SNCAIP: variants seen among roughly 807,000 people sequenced by gnomAD.
SNCAIP encodes synphilin-1.
Under a neutral mutation model 86.7 loss-of-function variants are expected in SNCAIP, and 43 were observed. The observed-to-expected ratio is 0.50, with a 90% confidence interval of 0.39 to 0.64. The LOEUF (loss-of-function observed/expected upper bound fraction) is 0.64. Among genes scored for constraint, SNCAIP ranks in the 30% least tolerant of loss-of-function variants. SNCAIP has a pLI of 0.00. For missense variants in SNCAIP, 981 were observed against 1,103.1 expected (o/e 0.89, Z 1.57); for synonymous variants, 417 against 427.2 (o/e 0.98, Z 0.29).
At chr5:122,396,573 A>G (rs1173911850) in intron 2 of SNCAIP, among the ~76,000 whole-genome samples, 3 of 152,188 alleles carry the variant, frequency 2.0e-5, no homozygotes, top group Non-Finnish European at 4.4e-5. Flanking sequence ...TTTTATGCCA[A>G]TCTAGTCAAC....
chr5:122,314,151 C>G (rs1411128874), intron 1 of SNCAIP, among the ~76,000 whole-genome samples: 8 of 152,162 alleles, frequency 5.3e-5, no homozygotes, highest in Non-Finnish European at 2.9e-5. Flanking sequence ...TGCAGGTGTA[C>G]AGTGGAAATG....
At position 122,452,828 on chromosome 5, in the gene SNCAIP, TC is replaced by T. The variant is rs967520579; in HGVS notation, c.2754+1228del. 6 of 767,964 alleles carry T rather than the reference TC, an allele frequency of 7.8e-6. No individual in the cohort carries two copies. The Admixed American group carries it at 1.2e-4, about 15-fold the overall frequency. The allele number at this position is 767,964 out of a possible 1,614,324, so 47.6% of individuals were successfully genotyped here. The stretch of plus-strand genomic sequence containing the variant: ...TGCATACTAAGCCACTGTCCTCTAA[TC>T]TATCTATCTTCCTGCATGCTTCATG... On this transcript the variant is annotated intron_variant, in intron 10 of 10. Transcript: ENST00000261368.
intron 1 of SNCAIP, among the ~76,000 whole-genome samples, chr5:122,359,349 T>TTTTTATTTATTTATTTATTTA (rs372903978): frequency 1.4e-5 from 2 of 142,182 alleles, no homozygotes; most frequent in Non-Finnish European, 3.0e-5. Context: ...AGATTTTTAT[T>TTTTTATTTATTTATTTATTTA]TTTATTTATT....
chr5:122,331,375 T>C (rs1229813519), intron 1 of SNCAIP, among the ~76,000 whole-genome samples: 1 of 152,230 alleles, frequency 6.6e-6, no homozygotes, highest in Non-Finnish European at 1.5e-5. Context: ...ACAGAAAGGC[T>C]CCTTAAAAAT....
At chr5:122,407,514 A>G (rs945387261) in intron 3 of SNCAIP, among the ~76,000 whole-genome samples, 1 of 152,180 alleles carries the variant, frequency 6.6e-6, no homozygotes, top group Non-Finnish European at 1.5e-5. Context: ...AAATCTTATG[A>G]CCTGGAAAGA....
chr5:122,376,157 T>C (rs1397410093), intron 1 of SNCAIP, among the ~76,000 whole-genome samples: 1 of 152,098 alleles, frequency 6.6e-6, no homozygotes, highest in South Asian at 2.1e-4. Flanking sequence ...TGAGAATAAC[T>C]CATCTAGGAT....
At chr5:122,352,876 C>T (rs766281594) in intron 1 of SNCAIP, among the ~76,000 whole-genome samples, 10 of 152,070 alleles carry the variant, frequency 6.6e-5, no homozygotes, top group Non-Finnish European at 1.2e-4. Context: ...AGAGAAGAAG[C>T]GAGAAGCATG....
intron 1 of SNCAIP, among the ~76,000 whole-genome samples, chr5:122,337,910 G>A (rs1281068894): frequency 6.6e-6 from 1 of 152,162 alleles, no homozygotes; most frequent in Non-Finnish European, 1.5e-5. Context: ...TATTTTAATA[G>A]GGTACTGCTT....
chr5:122,342,553 G>T lies in SNCAIP; in HGVS notation c.-47+30269G>T, dbSNP rs189624707. Among the ~76,000 whole-genome samples, 46 of 152,330 alleles carry T rather than the reference G, an allele frequency of 3.0e-4. 1 individual carries two copies. The East Asian group carries it at 7.7e-3, about 26-fold the overall frequency. ...TGAAGTGAGGGTGTTTTCAGACGTT[G>T]TGTCATTTAGCCCTCAAGGAAGTTC... On this transcript the variant is annotated intron_variant, in intron 1 of 10. Coordinates refer to ENST00000261368, the MANE Select transcript of SNCAIP (RefSeq NM_005460.4).
intron 10 of SNCAIP, chr5:122,452,899 G>C (rs957031474): frequency 1.4e-6 from 2 of 1,475,678 alleles, no homozygotes; most frequent in Admixed American, 3.9e-5. Context: ...CATGTTTTCA[G>C]ATGATTTTTA....
At chr5:122,380,268 G>A (rs1766405986) in intron 1 of SNCAIP, among the ~76,000 whole-genome samples, 1 of 152,110 alleles carries the variant, frequency 6.6e-6, no homozygotes. Flanking sequence ...TTTATTCTTG[G>A]GAGAGTGTAT....
Position 122,463,644 on chromosome 5 carries a change from T to C in SNCAIP, c.*148T>C. On this transcript the variant is annotated 3_prime_UTR_variant, in exon 11 of 11. Transcript: ENST00000261368. ...TTGGAAATTTCTGGACTATCCTCTTTGGAAAGAGAACCATGAAAACAATGC... is the reference window on the plus strand; with the variant it reads ...TTGGAAATTTCTGGACTATCCTCTTCGGAAAGAGAACCATGAAAACAATGC... 2.6e-6 allele frequency: 2 copies of C among 772,890 alleles called. No individual in the cohort carries two copies. The highest frequency in any genetic ancestry group is 3.5e-5 in the South Asian group (2 of 56,862). 47.9% of individuals were successfully genotyped at this position (772,890 alleles called of 1,614,324 possible).
chr5:122,339,441 T>C (rs929713179), intron 1 of SNCAIP, among the ~76,000 whole-genome samples: 1 of 152,230 alleles, frequency 6.6e-6, no homozygotes, highest in African/African-American at 2.4e-5. Flanking sequence ...TCTACAAGTG[T>C]CAAAAATATA....
chr5:122,396,826 T>C (rs145452118), intron 2 of SNCAIP, among the ~76,000 whole-genome samples: 183 of 152,308 alleles, frequency 1.2e-3, no homozygotes, highest in Non-Finnish European at 2.4e-3. Flanking sequence ...TAGACTATCA[T>C]TGAAGTTGAA....
chr5:122,382,919 G>A (rs1468545886), intron 1 of SNCAIP, among the ~76,000 whole-genome samples: 13 of 152,172 alleles, frequency 8.5e-5, no homozygotes, highest in East Asian at 1.9e-4. Flanking sequence ...CCAGCTGCGT[G>A]CTGGGAGAAC....
chr5:122,383,631 A>T (rs1284158191), intron 1 of SNCAIP: 1 of 152,226 alleles, frequency 6.6e-6, no homozygotes, highest in Non-Finnish European at 1.5e-5. Context: ...AGTCTCTCCA[A>T]GCTCTCAAGT....
chr5:122,452,843 G>C, intron 10 of SNCAIP: 1 of 848,758 alleles, frequency 1.2e-6, no homozygotes, highest in Non-Finnish European at 1.9e-6. Context: ...CTATCTTCCT[G>C]CATGCTTCAT....
chr5:122,393,419 G>T lies in SNCAIP; in HGVS notation c.57+2228G>T, dbSNP rs574771958. Among the ~76,000 whole-genome samples the T allele has an allele frequency of 2.6e-5, 4 of 152,192 alleles. No individual in the cohort carries two copies. In the East Asian group the frequency reaches 7.7e-4, roughly 29 times the overall value. ...GCAGCATGAAGATTTTATGTAATTTGTCCAGGGTCACCCAGCTGGTTAGGT... is the reference window on the plus strand; with the variant it reads ...GCAGCATGAAGATTTTATGTAATTTTTCCAGGGTCACCCAGCTGGTTAGGT... On this transcript the variant is annotated intron_variant, in intron 2 of 10. Coordinates refer to ENST00000261368, the MANE Select transcript of SNCAIP (RefSeq NM_005460.4).
At chr5:122,396,447 CT>C (rs964994858) in intron 2 of SNCAIP, among the ~76,000 whole-genome samples, 1 of 152,044 alleles carries the variant, frequency 6.6e-6, no homozygotes, top group African/African-American at 2.4e-5. Flanking sequence ...TAAATTTTCC[CT>C]TTTACTCTGC....
Sources: gnomAD v4.1 joint callset for allele counts (sites outside exome capture counted in the v4.1 genomes callset) on GRCh38, gnomAD v4.1.1 for gene constraint, MANE v1.5 for transcripts, NCBI Gene and HGNC (gene_info 2026-07-23, HGNC 2026-07-21) for gene names.